COL15A1: variants seen among roughly 807,000 people sequenced by gnomAD.
The protein encoded by COL15A1 is collagen alpha-1(XV) chain.
Under a neutral mutation model 165.9 loss-of-function variants are expected in COL15A1, and 111 were observed. That is an observed-to-expected ratio of 0.67 (90% confidence interval 0.57 to 0.78). The LOEUF (loss-of-function observed/expected upper bound fraction) is 0.78. Among genes scored for constraint, COL15A1 ranks in the 30% least tolerant of loss-of-function variants. The pLI is 0.00. For missense variants in COL15A1, 1,745 were observed against 1,789.7 expected, an observed-to-expected ratio of 0.98 and a Z score of 0.45; for synonymous variants, 659 against 674.8, an observed-to-expected ratio of 0.98 and a Z score of 0.36.
At chr9:99,030,002 A>G (rs1294774318) in intron 16 of COL15A1, among the ~76,000 whole-genome samples, 2 of 152,192 alleles carry the variant, frequency 1.3e-5, no homozygotes, top group South Asian at 2.1e-4. Flanking sequence ...TACAAACAGC[A>G]GAAGGAAAAC....
chr9:98,971,833 C>T (rs571401135), intron 2 of COL15A1, among the ~76,000 whole-genome samples: 19 of 152,290 alleles, frequency 1.2e-4, no homozygotes, highest in South Asian at 2.1e-4. Context: ...TCAGCAGAGC[C>T]GGGTCACAGG....
At chr9:99,053,534 C>A (rs1286918875) in intron 31 of COL15A1, among the ~76,000 whole-genome samples, 1 of 152,198 alleles carries the variant, frequency 6.6e-6, no homozygotes, top group Non-Finnish European at 1.5e-5. Context: ...GAGCAATCAT[C>A]CTGCTTACTG....
intron 14 of COL15A1, among the ~76,000 whole-genome samples, chr9:99,024,285 G>GTTTTTTTTTTTTTTTTTTTTTTTTT (rs1016769818): frequency 7.7e-6 from 1 of 129,478 alleles, no homozygotes; most frequent in African/African-American, 3.0e-5. Flanking sequence ...TTGTTTTTTT[G>GTTTTTTTTTTTTTTTTTTTTTTTTT]TTTTTTTTTT....
chr9:98,986,338 CCT>C (rs1023861543), intron 3 of COL15A1: 1 of 521,130 alleles, frequency 1.9e-6, no homozygotes, highest in East Asian at 3.4e-5. Flanking sequence ...ATTCTCTGAT[CCT>C]CTCTGTGTTT....
At position 98,957,637 on chromosome 9, in the gene COL15A1, C is replaced by G. The variant is rs369440217; in HGVS notation, c.100+13387C>G. ...AGTAGCTAGAGTATGGGAAGGGACA[C>G]TCTGAAAAAACCAGACTAGGGTTAT... On this transcript the variant is annotated intron_variant, in intron 2 of 41. Coordinates refer to ENST00000375001, the MANE Select transcript of COL15A1 (RefSeq NM_001855.5). Among the ~76,000 whole-genome samples the G allele has an allele frequency of 7.9e-5, 12 of 152,226 alleles. No homozygotes were observed. The East Asian group carries it at 1.9e-3, about 25-fold the overall frequency.
chr9:98,994,414 C>T (rs977152069), intron 5 of COL15A1, among the ~76,000 whole-genome samples: 1 of 152,196 alleles, frequency 6.6e-6, no homozygotes, highest in Non-Finnish European at 1.5e-5. Flanking sequence ...GCTCCCATTT[C>T]TGCCTGGCAA....
chr9:98,992,072 C>T (rs1344076540), intron 5 of COL15A1, among the ~76,000 whole-genome samples: 4 of 152,392 alleles, frequency 2.6e-5, no homozygotes, highest in Admixed American at 6.5e-5. Context: ...GGATCCCGCA[C>T]GAGGGCAGCA....
intron 23 of COL15A1, among the ~76,000 whole-genome samples, chr9:99,041,623 G>A (rs577850021): frequency 6.6e-5 from 10 of 152,280 alleles, no homozygotes; most frequent in African/African-American, 2.4e-4. Context: ...GGGATGGGCT[G>A]GGGTGCCAGG....
intron 17 of COL15A1, 136 bp downstream of exon 17, chr9:99,034,720 A>C: frequency 5.3e-5 from 75 of 1,423,666 alleles, no homozygotes; most frequent in Middle Eastern, 2.6e-4. Flanking sequence ...AACACATCTC[A>C]AAGGAATTGC....
intron 36 of COL15A1, among the ~76,000 whole-genome samples, chr9:99,060,492 C>T (rs1163195708): frequency 2.1e-5 from 3 of 146,298 alleles, no homozygotes; most frequent in African/African-American, 7.6e-5. Flanking sequence ...TGGCCTTGAA[C>T]TCATGGGCCA....
chr9:99,009,301 CATA>C (rs1430258856), intron 9 of COL15A1, among the ~76,000 whole-genome samples: 1 of 152,200 alleles, frequency 6.6e-6, no homozygotes, highest in East Asian at 1.9e-4. Flanking sequence ...AGCAATTTTA[CATA>C]ATAATTACTA....
intron 9 of COL15A1, among the ~76,000 whole-genome samples, chr9:99,008,226 G>T (rs927827688): frequency 2.6e-5 from 4 of 152,152 alleles, no homozygotes; most frequent in Non-Finnish European, 4.4e-5. Context: ...TATTAATTGG[G>T]TGAAGGCCTC....
chr9:99,042,819 T>C (rs1329683209), intron 24 of COL15A1, among the ~76,000 whole-genome samples: 2 of 152,202 alleles, frequency 1.3e-5, no homozygotes, highest in Non-Finnish European at 2.9e-5. Context: ...TGTGTTTGCC[T>C]CTTAGAATTA....
chr9:98,993,302 C>T (rs979209143), intron 5 of COL15A1, among the ~76,000 whole-genome samples: 4 of 152,204 alleles, frequency 2.6e-5, no homozygotes, highest in Non-Finnish European at 4.4e-5. Context: ...GAGAGCAGCT[C>T]AGTGCTGGAC....
intron 2 of COL15A1, among the ~76,000 whole-genome samples, chr9:98,961,821 G>T (rs1010681039): frequency 6.6e-6 from 1 of 152,228 alleles, no homozygotes; most frequent in African/African-American, 2.4e-5. Context: ...CAGGGCGGGG[G>T]CAAAGGGTCT....
chr9:98,961,097 A>G (rs1227597066), intron 2 of COL15A1, among the ~76,000 whole-genome samples: 1 of 152,234 alleles, frequency 6.6e-6, no homozygotes, highest in Non-Finnish European at 1.5e-5. Context: ...CTTGGTAGAA[A>G]TGGCCATTCT....
intron 28 of COL15A1, among the ~76,000 whole-genome samples, chr9:99,048,221 A>G (rs1263504537): frequency 6.6e-6 from 1 of 152,200 alleles, no homozygotes; most frequent in African/African-American, 2.4e-5. Context: ...TTTCTTGTGT[A>G]GGACCCAGAG....
chr9:99,049,308 C>T (rs1839544793), intron 28 of COL15A1, among the ~76,000 whole-genome samples: 1 of 152,236 alleles, frequency 6.6e-6, no homozygotes, highest in South Asian at 2.1e-4. Flanking sequence ...ACAGTCCATT[C>T]CCACCCGTAT....
rs752563203 is a variant in COL15A1 at position 99,016,107 on chromosome 9, A to T, written c.1635A>T (p.Arg545Ser). 6.2e-7 allele frequency: 1 copy of T among 1,611,656 alleles called. No homozygotes were observed. The highest frequency in any genetic ancestry group is 8.5e-7 in the Non-Finnish European group (1 of 1,178,830). The change falls in exon 11 of 42, where the codon AGA becomes AGT. Residue 545 changes from arginine to serine, a missense_variant. Arg to Ser is a moderately radical substitution (Grantham distance 110, BLOSUM62 -1). Coordinates refer to ENST00000375001, the MANE Select transcript of COL15A1 (RefSeq NM_001855.5). ...PLPLPTVAPE[R>S]WITPAQREHV... is the part of the protein sequence containing the mutation. ...CCCTGCCCACAGTGGCTCCTGAAAG[A>T]TGGATCACTCCAGTAAGTGGCATAG...
Sources: gnomAD v4.1 joint callset for allele counts (sites outside exome capture counted in the v4.1 genomes callset) on GRCh38, gnomAD v4.1.1 for gene constraint, MANE v1.5 for transcripts, NCBI Gene and HGNC (gene_info 2026-07-23, HGNC 2026-07-21) for gene names.